ATAD2B: variants seen among roughly 807,000 people sequenced by gnomAD.
ATAD2B encodes the protein ATPase family AAA domain containing 2B.
A neutral mutation model predicts 167.6 loss-of-function variants in ATAD2B; 40 were observed. That is an observed-to-expected ratio of 0.24 (90% CI 0.19 to 0.31). The LOEUF is 0.31. ATAD2B is among the 10% of genes least tolerant of loss of function. The probability of loss-of-function intolerance (pLI) is 1.00; values close to 1 mark genes in which losing one functional copy is unlikely to be tolerated. For missense variants in ATAD2B, 1,242 were observed against 1,757.2 expected, an observed-to-expected ratio of 0.71 and a Z score of 5.24; for synonymous variants, 579 against 596.5, an observed-to-expected ratio of 0.97 and a Z score of 0.43.
At chr2:23,740,538 G>C in the ATAD2B span, among the ~76,000 whole-genome samples, 3 of 152,024 alleles carry the variant, frequency 2.0e-5, no homozygotes, top group East Asian at 3.8e-4. Flanking sequence ...ATTAGGTATT[G>C]ATGGGACGTA....
At chr2:23,726,708 AGATGAAACCT>A in the ATAD2B span, among the ~76,000 whole-genome samples, 1 of 152,242 alleles carries the variant, frequency 6.6e-6, no homozygotes, top group Non-Finnish European at 1.5e-5. Flanking sequence ...GCTACAACAT[AGATGAAACCT>A]AAGGACACTA....
intron 19 of ATAD2B, among the ~76,000 whole-genome samples, chr2:23,790,415 G>A (rs143709655): frequency 3.3e-5 from 5 of 152,214 alleles, no homozygotes; most frequent in East Asian, 1.9e-4. Context: ...CCACGATTTC[G>A]TTCAAGAATG....
At chr2:23,687,692 T>C in the ATAD2B span, among the ~76,000 whole-genome samples, 1 of 151,958 alleles carries the variant, frequency 6.6e-6, no homozygotes, top group Non-Finnish European at 1.5e-5. Context: ...TGGCATCTGA[T>C]GTGGGTTATG....
intron 19 of ATAD2B, among the ~76,000 whole-genome samples, chr2:23,797,565 C>G (rs1410548406): frequency 3.9e-5 from 6 of 152,012 alleles, no homozygotes; most frequent in Non-Finnish European, 5.9e-5. Flanking sequence ...AGCTGAGTAT[C>G]CCTTTTCCAA....
chr2:23,822,680 C>G (rs1352787071), intron 16 of ATAD2B, among the ~76,000 whole-genome samples: 1 of 151,348 alleles, frequency 6.6e-6, no homozygotes, highest in Non-Finnish European at 1.5e-5. Flanking sequence ...CTTTGGGAGG[C>G]CAAGGTGGGA....
chr2:23,693,016 C>T, the ATAD2B span, among the ~76,000 whole-genome samples: 6 of 152,236 alleles, frequency 3.9e-5, no homozygotes, highest in African/African-American at 7.2e-5. Flanking sequence ...CTCCCAGTCT[C>T]GGTCCTTCTG....
At position 23,828,921 on chromosome 2, in the gene ATAD2B, G is replaced by T. The variant is rs1172153082; in HGVS notation, c.1747C>A (p.Gln583Lys). Residue 583 changes from glutamine to lysine, a missense_variant, in exon 15 of 28, where the codon CAG becomes AAG. Transcript: ENST00000238789. ...GGATTCCAGTCCCTGGTATGGATCT[G>T]TAAGATGTGTTTTCTTGCCTAAGAT... is the stretch of plus-strand genomic sequence containing the variant. ...PDQKARKHIL[Q>K]IHTRDWNPKL... 2.5e-6 allele frequency: 4 copies of T among 1,604,196 alleles called. No individual in the cohort carries two copies. The highest frequency in any genetic ancestry group is 3.4e-6 in the Non-Finnish European group (4 of 1,174,868).
At chr2:23,829,574 C>CA (rs1473290282) in intron 14 of ATAD2B, among the ~76,000 whole-genome samples, 1 of 152,080 alleles carries the variant, frequency 6.6e-6, no homozygotes, top group African/African-American at 2.4e-5. Context: ...AACATAGTGA[C>CA]ACCCTGTCTC....
intron 19 of ATAD2B, among the ~76,000 whole-genome samples, chr2:23,794,600 A>G (rs1435214142): frequency 7.2e-5 from 11 of 152,148 alleles, no homozygotes; most frequent in Admixed American, 7.2e-4. Context: ...AAATCTGAAA[A>G]TATTCTCATT....
intron 21 of ATAD2B, among the ~76,000 whole-genome samples, chr2:23,784,344 T>C (rs1376178446): frequency 3.3e-5 from 5 of 152,134 alleles, no homozygotes; most frequent in Admixed American, 2.0e-4. Flanking sequence ...ATAAAAACTT[T>C]TGTTTTAGGT....
At chr2:23,849,035 CAA>C (rs1692143648) in intron 13 of ATAD2B, among the ~76,000 whole-genome samples, 1 of 151,764 alleles carries the variant, frequency 6.6e-6, no homozygotes, top group Admixed American at 6.6e-5. Flanking sequence ...TTCAAAGTTT[CAA>C]AGTGTTTTTT....
At chr2:23,829,764 G>GA (rs1286951219) in intron 14 of ATAD2B, among the ~76,000 whole-genome samples, 1 of 151,584 alleles carries the variant, frequency 6.6e-6, no homozygotes, top group Non-Finnish European at 1.5e-5. Flanking sequence ...CTCAAAGGGA[G>GA]AAAAAAAATC....
intron 1 of ATAD2B, among the ~76,000 whole-genome samples, chr2:23,910,471 C>A (rs1288418558): frequency 2.0e-5 from 3 of 151,798 alleles, no homozygotes; most frequent in Non-Finnish European, 2.9e-5. Flanking sequence ...AGCCACTGCG[C>A]CCGGCCTGCA....
chr2:23,903,208 T>C (rs1287235792), intron 1 of ATAD2B, among the ~76,000 whole-genome samples: 5 of 150,430 alleles, frequency 3.3e-5, no homozygotes, highest in Non-Finnish European at 7.4e-5. Flanking sequence ...TGCACTCCAG[T>C]CTGGGCAACA....
At chr2:23,718,873 T>G in the ATAD2B span, among the ~76,000 whole-genome samples, 1 of 152,160 alleles carries the variant, frequency 6.6e-6, no homozygotes, top group East Asian at 1.9e-4. Flanking sequence ...AACCTCTGCT[T>G]TGGCCATCAC....
rs993487313 is a variant in ATAD2B, at chr2:23,801,704, C to A, written c.2455-3381G>T. Among the ~76,000 whole-genome samples, 18 of 152,064 alleles carry A rather than the reference C, an allele frequency of 1.2e-4. No individual in the cohort carries two copies. The East Asian group carries it at 3.5e-3, about 29-fold the overall frequency. ...CAGACATCATAAGGACCTTAGATAACTAATTTTTTTAAAACTTTCTTTATT... is the reference window on the plus strand; with the variant it reads ...CAGACATCATAAGGACCTTAGATAAATAATTTTTTTAAAACTTTCTTTATT... On this transcript the variant is annotated intron_variant, in intron 18 of 27. Transcript: ENST00000238789.
chr2:23,877,186 G>A (rs553234758), intron 7 of ATAD2B, among the ~76,000 whole-genome samples: 2 of 152,020 alleles, frequency 1.3e-5, no homozygotes, highest in Non-Finnish European at 2.9e-5. Flanking sequence ...CAAGTCAAAG[G>A]ACTGCTTTGA....
intron 17 of ATAD2B, among the ~76,000 whole-genome samples, chr2:23,813,589 A>AG (rs1685966489): frequency 6.6e-6 from 1 of 150,966 alleles, no homozygotes; most frequent in South Asian, 2.1e-4. Context: ...TTAAAAAAAA[A>AG]AAAAAATTTA....
intron 6 of ATAD2B, among the ~76,000 whole-genome samples, 187 bp from the exon 7 acceptor site, chr2:23,880,942 C>T (rs996122071): frequency 3.3e-5 from 5 of 152,158 alleles, no homozygotes; most frequent in Non-Finnish European, 7.3e-5. Flanking sequence ...AAAGAAAATA[C>T]TTTCCCTGCC....
Sources: gnomAD v4.1 joint callset for allele counts (sites outside exome capture counted in the v4.1 genomes callset) on GRCh38, gnomAD v4.1.1 for gene constraint, MANE v1.5 for transcripts, NCBI Gene and HGNC (gene_info 2026-07-23, HGNC 2026-07-21) for gene names.